The following RUNX3 variants were observed in gnomAD, a reference collection of about 807,000 sequenced individuals.
RUNX3 encodes runt-related transcription factor 3.
A neutral mutation model predicts 27.7 loss-of-function variants in RUNX3; 10 were observed. That is an observed-to-expected ratio of 0.36 (90% CI 0.22 to 0.61). The LOEUF is 0.61. Ranked by LOEUF, RUNX3 falls within the 20% of genes least tolerant of loss-of-function variation. The pLI, the probability that RUNX3 is intolerant of heterozygous loss-of-function variation, is 0.72. For missense variants in RUNX3, 469 were observed against 629.5 expected, an observed-to-expected ratio of 0.75 and a Z score of 2.73; for synonymous variants, 270 against 269.2, an observed-to-expected ratio of 1.00 and a Z score of -0.03.
At position 24,930,274 on chromosome 1, in the gene RUNX3, G is replaced by T; in HGVS notation, c.-406C>A. The T allele has an allele frequency of 1.0e-6, 1 of 982,298 alleles. No homozygotes were observed. Among genetic ancestry groups the T allele is most frequent in the Non-Finnish European group, 1.2e-6 (1 of 827,654 alleles). 60.8% of individuals were successfully genotyped at this position (982,298 alleles called of 1,614,324 possible). On this transcript the variant is annotated 5_prime_UTR_variant, in exon 1 of 5. Coordinates refer to ENST00000308873, the MANE Select transcript of RUNX3 (RefSeq NM_004350.3). The surrounding 1 kb of genome is among the most constrained non-coding windows in gnomAD (Gnocchi z 4.1). ...CAGAACAAATCCTCCAGAATCAAGT[G>T]GCGGGGCCGCGGCCGCCCGCGCGGG...
At chr1:24,961,952 C>G (rs1642124949) in intron 2 of RUNX3, 1 of 152,142 alleles carries the variant, frequency 6.6e-6, no homozygotes, top group African/African-American at 2.4e-5. Flanking sequence ...AACCCGAGAC[C>G]CGGATGGACC....
At chr1:24,951,975 A>G (rs981669155) in intron 2 of RUNX3, among the ~76,000 whole-genome samples, 4 of 152,192 alleles carry the variant, frequency 2.6e-5, no homozygotes, top group Non-Finnish European at 5.9e-5. Flanking sequence ...TCTCAAATAC[A>G]TATATAAACA....
At chr1:24,958,198 A>G (rs1044667371) in intron 2 of RUNX3, among the ~76,000 whole-genome samples, 8 of 152,140 alleles carry the variant, frequency 5.3e-5, no homozygotes, top group African/African-American at 1.9e-4. Context: ...GCTCCTCCCA[A>G]CCACCCTTTG....
chr1:24,920,777 C>T (rs1213549718), intron 2 of RUNX3, among the ~76,000 whole-genome samples: 1 of 152,126 alleles, frequency 6.6e-6, no homozygotes, highest in East Asian at 1.9e-4. Flanking sequence ...ACGGGTTTCT[C>T]CGTGTAGAAA....
At chr1:24,924,268 T>C (rs1641056406) in intron 2 of RUNX3, among the ~76,000 whole-genome samples, 2 of 152,014 alleles carry the variant, frequency 1.3e-5, no homozygotes, top group African/African-American at 4.8e-5. Flanking sequence ...TCCCAGCTAT[T>C]GAGGTGGGAG....
At chr1:24,953,918 G>T (rs1641844241) in intron 2 of RUNX3, among the ~76,000 whole-genome samples, 1 of 147,424 alleles carries the variant, frequency 6.8e-6, no homozygotes, top group African/African-American at 2.5e-5. Flanking sequence ...TTAATGTGTG[G>T]TTTTTTTTTT....
At chr1:24,912,558 G>A (rs968046457) in intron 3 of RUNX3, among the ~76,000 whole-genome samples, 3 of 152,044 alleles carry the variant, frequency 2.0e-5, no homozygotes, top group Admixed American at 6.5e-5. Flanking sequence ...TAAAGCAGTC[G>A]CCAGCAGGAG....
At chr1:24,907,650 A>AACCTCTACAACACACGGTGATCCAT (rs1640693870) in intron 3 of RUNX3, among the ~76,000 whole-genome samples, 1 of 152,124 alleles carries the variant, frequency 6.6e-6, no homozygotes, top group Non-Finnish European at 1.5e-5. Flanking sequence ...CGGTGATCCA[A>AACCTCTACAACACACGGTGATCCAT]ACCTCTACAA....
intron 3 of RUNX3, among the ~76,000 whole-genome samples, chr1:24,912,053 T>TCA (rs1463932812): frequency 6.6e-6 from 1 of 152,224 alleles, no homozygotes. Flanking sequence ...GCCAGGGCTC[T>TCA]CACACTGGGA....
chr1:24,902,572 G>C lies in RUNX3; in HGVS notation c.798C>G (p.Pro266=), dbSNP rs1208995821. 10 of 1,576,700 alleles carry C rather than the reference G, an allele frequency of 6.3e-6. No individual in the cohort carries two copies. Among genetic ancestry groups the C allele is most frequent in the African/African-American group, 4.0e-5 (3 of 74,168 alleles). The change falls in exon 5 of 5, where the codon CCC becomes CCG. Residue 266 remains proline, a synonymous_variant. Transcript: ENST00000308873. The surrounding 1 kb of genome is among the most constrained non-coding windows in gnomAD (Gnocchi z 9.2). The part of the protein sequence containing the change: ...PTLTESRFPD[P]RMHYPGAMSA... ...ACATGGCCCCGGGATAATGCATCCT[G>C]GGGTCTGGGAAGCGGCTCTCCGTGA...
intron 2 of RUNX3, among the ~76,000 whole-genome samples, chr1:24,938,890 G>A (rs1387439830): frequency 6.6e-6 from 1 of 152,130 alleles, no homozygotes; most frequent in Non-Finnish European, 1.5e-5. Flanking sequence ...CCAGTCTCCA[G>A]AACCATGTGT....
chr1:24,944,398 T>A (rs1363280022), intron 2 of RUNX3, among the ~76,000 whole-genome samples: 2 of 152,180 alleles, frequency 1.3e-5, no homozygotes, highest in Non-Finnish European at 2.9e-5. Flanking sequence ...TTCATTCAGG[T>A]CCCTGCTGCC....
rs968654210 is a variant in RUNX3 at position 24,916,455 on chromosome 1, G to A, written c.544+2785C>T. ...CCTTGGGCAAAAGGTTTTGCGCCCT[G>A]GCCTCTATCCTCTCCTGGGGTTGCC... On this transcript the variant is annotated intron_variant, in intron 3 of 4. Transcript: ENST00000308873. This position sits in a 1 kb window ranked among gnomAD's most constrained non-coding sequence, Gnocchi z 4.8. 6.6e-6 allele frequency among the ~76,000 whole-genome samples: 1 copy of A among 152,222 alleles called. No individual in the cohort carries two copies. Among genetic ancestry groups the A allele is most frequent in the African/African-American group, 2.4e-5 (1 of 41,462 alleles).
intron 2 of RUNX3, among the ~76,000 whole-genome samples, chr1:24,947,075 G>C (rs1429051574): frequency 5.3e-5 from 8 of 152,124 alleles, no homozygotes; most frequent in Non-Finnish European, 1.0e-4. Flanking sequence ...CCACGTGCCA[G>C]ACCCTCTGCG....
chr1:24,921,062 CA>C (rs1640990073), intron 2 of RUNX3, among the ~76,000 whole-genome samples: 1 of 152,188 alleles, frequency 6.6e-6, no homozygotes, highest in Non-Finnish European at 1.5e-5. Flanking sequence ...CTCGCACTCT[CA>C]CCTGTACCCC....
chr1:24,945,937 C>T (rs76907009), intron 2 of RUNX3, among the ~76,000 whole-genome samples: 1 of 152,282 alleles, frequency 6.6e-6, no homozygotes, highest in African/African-American at 2.4e-5. Flanking sequence ...GTGTCCTTTA[C>T]GTTCCCTGAC....
intron 2 of RUNX3, among the ~76,000 whole-genome samples, chr1:24,935,365 G>A (rs1430720389): frequency 6.6e-6 from 1 of 151,918 alleles, no homozygotes; most frequent in Non-Finnish European, 1.5e-5. Context: ...GTTGTGACCC[G>A]AGGCCCCTCC....
intron 4 of RUNX3, among the ~76,000 whole-genome samples, chr1:24,905,557 G>A (rs1640648372): frequency 6.6e-6 from 1 of 152,234 alleles, no homozygotes; most frequent in Non-Finnish European, 1.5e-5. Flanking sequence ...CACACAGGCT[G>A]GGCTCCTTTC....
chr1:24,907,457 G>C, intron 3 of RUNX3, 40 bp from the exon 4 acceptor site: 1 of 1,583,226 alleles, frequency 6.3e-7, no homozygotes, highest in South Asian at 1.1e-5. Flanking sequence ...TGCTTCCCCA[G>C]AGTCTCAGTG....
Sources: gnomAD v4.1 joint callset for allele counts (sites outside exome capture counted in the v4.1 genomes callset) on GRCh38, gnomAD v4.1.1 for gene constraint, Gnocchi (gnomAD v3.1) non-coding constraint, MANE v1.5 for transcripts, NCBI Gene and HGNC (gene_info 2026-07-23, HGNC 2026-07-21) for gene names.